The following DNMBP variants were observed in gnomAD, a reference collection of about 807,000 sequenced individuals.
DNMBP encodes the protein dynamin binding protein.
DNMBP carries 87 observed loss-of-function variants against 150.0 expected under a neutral mutation model. The ratio of observed to expected loss-of-function variants is 0.58; its 90% CI spans 0.49 to 0.69. DNMBP has a LOEUF of 0.69. DNMBP is among the 30% of genes least tolerant of loss of function. DNMBP has a pLI of 0.00. For missense variants in DNMBP, 1,774 were observed against 1,949.0 expected (o/e 0.91, Z 1.69); for synonymous variants, 711 against 750.4 (o/e 0.95, Z 0.86).
intron 1 of DNMBP, among the ~76,000 whole-genome samples, chr10:100,000,856 T>C (rs767866988): frequency 7.7e-5 from 7 of 90,844 alleles, no homozygotes; most frequent in South Asian, 7.5e-4. Context: ...ACACCTGTTA[T>C]GGCAAAAAAA....
At chr10:99,913,991 C>A in intron 4 of DNMBP, 1 of 1,498,198 alleles carries the variant, frequency 6.7e-7, no homozygotes, top group South Asian at 1.3e-5. Context: ...GAGGTGTGGG[C>A]CTGAGGGTAA....
chr10:99,930,732 C>G (rs1337499198), intron 4 of DNMBP: 1 of 681,180 alleles, frequency 1.5e-6, no homozygotes, highest in Admixed American at 2.3e-5. Flanking sequence ...CTCCACTTCC[C>G]TTTCTTTTCT....
At chr10:99,967,668 G>GGT (rs140839578) in intron 3 of DNMBP, among the ~76,000 whole-genome samples, 26,281 of 145,414 alleles carry the variant, frequency 0.18, 2,856 homozygotes, top group East Asian at 0.55. Flanking sequence ...GGTTTTTCTG[G>GGT]GTGTGTGTGT....
intron 4 of DNMBP, among the ~76,000 whole-genome samples, chr10:99,921,864 G>GA (rs34344466): frequency 0.46 from 10,931 of 23,756 alleles, 4,425 homozygotes; most frequent in Non-Finnish European, 0.62. Flanking sequence ...GATTCCATCT[G>GA]AAAAAAAAAA....
intron 12 of DNMBP, 76 bp downstream of exon 12, chr10:99,888,749 G>A (rs920292133): frequency 1.7e-5 from 27 of 1,574,576 alleles, no homozygotes; most frequent in Non-Finnish European, 2.1e-5. Flanking sequence ...TGTGTCCGTG[G>A]AACTGACTTG....
chr10:99,911,483 CA>C (rs373066075), intron 4 of DNMBP, among the ~76,000 whole-genome samples: 3 of 150,480 alleles, frequency 2.0e-5, no homozygotes, highest in Admixed American at 1.3e-4. Flanking sequence ...GACTCCATCT[CA>C]AAAAAAAATC....
intron 4 of DNMBP, chr10:99,930,132 T>C: frequency 2.8e-6 from 2 of 702,942 alleles, no homozygotes; most frequent in Non-Finnish European, 5.2e-6. Flanking sequence ...ACCATCAGGA[T>C]AACTCCCAGG....
At chr10:99,903,751 C>G (rs935664715) in intron 6 of DNMBP, among the ~76,000 whole-genome samples, 1 of 152,234 alleles carries the variant, frequency 6.6e-6, no homozygotes, top group Non-Finnish European at 1.5e-5. Context: ...AGAATCTTCA[C>G]CATCCAGACA....
At chr10:99,884,709 G>C (rs1466218579) in intron 14 of DNMBP, among the ~76,000 whole-genome samples, 1 of 151,984 alleles carries the variant, frequency 6.6e-6, no homozygotes, top group Non-Finnish European at 1.5e-5. Context: ...AGGACTTGGA[G>C]ACCAGTCTGG....
chr10:99,931,461 G>A (rs2040157316), intron 4 of DNMBP, among the ~76,000 whole-genome samples: 1 of 152,216 alleles, frequency 6.6e-6, no homozygotes. Context: ...GGAAGAAAAA[G>A]TACTTCCTTT....
intron 1 of DNMBP, among the ~76,000 whole-genome samples, chr10:100,002,124 TA>T (rs2041020279): frequency 6.6e-6 from 1 of 152,138 alleles, no homozygotes; most frequent in Non-Finnish European, 1.5e-5. Flanking sequence ...GAAAATGATA[TA>T]GTGCAATGTT....
chr10:99,980,970 A>G (rs769121841), intron 1 of DNMBP, among the ~76,000 whole-genome samples: 41 of 152,188 alleles, frequency 2.7e-4, no homozygotes, highest in Non-Finnish European at 5.3e-4. Context: ...TGTAATGGGT[A>G]CAGCATTTCA....
In DNMBP at chr10:99,928,906, A is replaced by G. The variant is rs571432714; in HGVS notation, c.2261-19760T>C. On this transcript the variant is annotated intron_variant, in intron 4 of 16. Transcript: ENST00000324109. ...CACTTGTAATCCCAGTACTTTGGGA[A>G]GCAGAGGTGGGTGGTTCGCTCAAGC... Among the ~76,000 whole-genome samples the G allele has an allele frequency of 9.9e-5, 15 of 152,204 alleles. No individual in the cohort carries two copies. In the East Asian group the frequency reaches 2.3e-3, roughly 23 times the overall value.
In DNMBP at chr10:99,955,350, G is replaced by A; in HGVS notation, c.2124C>T (p.Tyr708=). The A allele has an allele frequency of 1.2e-6, 2 of 1,614,118 alleles. No homozygotes were observed. Among genetic ancestry groups the A allele is most frequent in the South Asian group, 2.2e-5 (2 of 91,072 alleles). ...GGTTTAGCTCTTCTTGAGCTCTACT[G>A]TACATATCCAAGTCCCGCTCCATTT... ...IEEMERDLDM[Y]SRAQEELNLM... is the part of the protein sequence containing the mutation. The change falls in exon 4 of 17, where the codon TAC becomes TAT. Residue 708 remains tyrosine, a synonymous_variant. Coordinates refer to ENST00000324109, the MANE Select transcript of DNMBP (RefSeq NM_015221.4).
chr10:99,895,311 G>C (rs2039637013), intron 10 of DNMBP, among the ~76,000 whole-genome samples: 1 of 151,990 alleles, frequency 6.6e-6, no homozygotes, highest in South Asian at 2.1e-4. Context: ...ATTACTAGTA[G>C]AGATGGGGTT....
At chr10:99,945,049 A>G (rs1022566825) in intron 4 of DNMBP, among the ~76,000 whole-genome samples, 1 of 152,236 alleles carries the variant, frequency 6.6e-6, no homozygotes. Flanking sequence ...TCCAAGGTAC[A>G]AGGTACACTG....
intron 3 of DNMBP, among the ~76,000 whole-genome samples, chr10:99,960,133 C>T (rs1373988834): frequency 6.6e-6 from 1 of 152,040 alleles, no homozygotes; most frequent in Non-Finnish European, 1.5e-5. Flanking sequence ...AGGATAAGAG[C>T]ACAGTATATG....
At chr10:99,895,116 A>G (rs2039633062) in intron 10 of DNMBP, 66 bp from the exon 11 acceptor site, 1 of 739,724 alleles carries the variant, frequency 1.4e-6, no homozygotes, top group Non-Finnish European at 2.1e-6. Context: ...TGGCAAAAGT[A>G]GCTTGCTTTT....
At chr10:99,934,562 A>G (rs1170293874) in intron 4 of DNMBP, among the ~76,000 whole-genome samples, 3 of 134,996 alleles carry the variant, frequency 2.2e-5, no homozygotes, top group African/African-American at 8.5e-5. Context: ...GTCCAGAGCA[A>G]ATTTATTTTT....
Sources: gnomAD v4.1 joint callset for allele counts (sites outside exome capture counted in the v4.1 genomes callset) on GRCh38, gnomAD v4.1.1 for gene constraint, MANE v1.5 for transcripts, NCBI Gene and HGNC (gene_info 2026-07-23, HGNC 2026-07-21) for gene names.